The following CD24 variants were observed in gnomAD, a reference collection of about 807,000 sequenced individuals.
CD24 encodes the protein CD24 molecule, also known as signal transducer CD24.
Under a neutral mutation model 3.6 loss-of-function variants are expected in CD24, and 2 were observed. The ratio of observed to expected loss-of-function variants is 0.56; its 90% CI spans 0.23 to 1.77. The LOEUF (loss-of-function observed/expected upper bound fraction) is 1.77. Among genes scored for constraint, CD24 ranks in the 40% most tolerant of loss-of-function variants. The probability of loss-of-function intolerance (pLI) is 0.18; values close to 1 mark genes in which losing one functional copy is unlikely to be tolerated. For synonymous variants in CD24, 33 were observed against 44.9 expected (o/e 0.74, Z 1.06); for missense variants, 62 against 93.6 (o/e 0.66, Z 1.39).
chr6:106,975,573 C>G (rs1347143437), upstream of CD24: 2 of 152,344 alleles, frequency 1.3e-5, no homozygotes, highest in African/African-American at 2.4e-5. Flanking sequence ...CGCATCTTCC[C>G]AGGAGCTGGG....
intron 1 of CD24, chr6:106,973,534 G>A (rs1028880464): frequency 7.3e-5 from 29 of 397,610 alleles, no homozygotes; most frequent in African/African-American, 5.7e-4. Context: ...GACTTTCGAT[G>A]TCTGGGGACG....
upstream of CD24, among the ~76,000 whole-genome samples, chr6:106,976,263 AT>A (rs1773106949): frequency 6.6e-6 from 1 of 152,216 alleles, no homozygotes; most frequent in Non-Finnish European, 1.5e-5. Context: ...TAGCCCAAGC[AT>A]TTTTCGGTCT....
In CD24 at chr6:106,970,661, A is replaced by C. The variant is rs1443655458; in HGVS notation, c.*1000T>G. 5.9e-5 allele frequency: 9 copies of C among 152,206 alleles called. No individual in the cohort carries two copies. The East Asian group carries it at 1.7e-3, about 29-fold the overall frequency. The allele number at this position is 152,206 out of a possible 1,614,324, so 9.4% of individuals were successfully genotyped here. ...ACCCTGTCTCTACTAAAATTACAAA[A>C]ATTAGCCGGGCATGGTGGCAGGTGC... On this transcript the variant is annotated 3_prime_UTR_variant, in exon 2 of 2. Transcript: ENST00000606017.
Position 106,971,205 on chromosome 6 carries a change from C to T in CD24, c.*456G>A, listed in dbSNP as rs1423066227. The T allele has an allele frequency of 6.2e-6, 1 of 161,914 alleles. No individual in the cohort carries two copies. Among genetic ancestry groups the T allele is most frequent in the Admixed American group, 6.5e-5 (1 of 15,350 alleles). The allele number at this position is 161,914 out of a possible 1,614,324, so 10.0% of individuals were successfully genotyped here. A position where few individuals can be genotyped will look rare whatever the true frequency, so the allele number is the denominator to read the frequency against. ...GAATTACAGTAACACCTGGAAGTTC[C>T]TTCTCATGTACATATAAATAGAATC... On this transcript the variant is annotated 3_prime_UTR_variant, in exon 2 of 2. Transcript: ENST00000606017.
chr6:106,971,477 C>G lies in CD24; in HGVS notation c.*184G>C. On this transcript the variant is annotated 3_prime_UTR_variant, in exon 2 of 2. Transcript: ENST00000606017. Reference sequence around the variant, plus strand: ...ATTGGCATCCATCATCTAGTCAAACCTCTCACATGTTCTTCAAATCAATCA... The same window carrying G: ...ATTGGCATCCATCATCTAGTCAAACGTCTCACATGTTCTTCAAATCAATCA... The G allele has an allele frequency of 1.7e-6, 1 of 579,740 alleles. No individual in the cohort carries two copies. Among genetic ancestry groups the G allele is most frequent in the East Asian group, 3.0e-5 (1 of 33,314 alleles). 35.9% of individuals were successfully genotyped at this position (579,740 alleles called of 1,614,324 possible).
upstream of CD24, chr6:106,975,003 C>A (rs1288403894): frequency 1.3e-5 from 2 of 151,152 alleles, no homozygotes; most frequent in African/African-American, 4.8e-5. Flanking sequence ...GCGCCGGCTG[C>A]GGGCTGCGGG....
intron 1 of CD24, 112 bp downstream of exon 1, chr6:106,974,466 C>T: frequency 1.7e-6 from 1 of 598,748 alleles, no homozygotes; most frequent in Non-Finnish European, 2.7e-6. Flanking sequence ...TCTCCCGGTC[C>T]CTGTCCGTGG....
chr6:106,971,366 C>T lies in CD24; in HGVS notation c.*295G>A, dbSNP rs1459662313. 1 of 349,960 alleles carries T rather than the reference C, an allele frequency of 2.9e-6. No homozygotes were observed. The highest frequency in any genetic ancestry group is 2.2e-5 in the African/African-American group (1 of 45,510). 21.7% of individuals were successfully genotyped at this position (349,960 alleles called of 1,614,324 possible). On this transcript the variant is annotated 3_prime_UTR_variant, in exon 2 of 2. Transcript: ENST00000606017. ...GGTAGTATTAAGTGTCCATATTTCT[C>T]AAGCCACATTCAAGGAAATCATGTC...
At chr6:106,975,346 G>GCGGACGCGGGC (rs1225783857), upstream of CD24, 13 of 151,694 alleles carry the variant, frequency 8.6e-5, no homozygotes, top group Middle Eastern at 3.4e-3. Context: ...CGGGCGTGGC[G>GCGGACGCGGGC]CGGACGCGGG....
Position 106,971,656 on chromosome 6 carries a change from G to A in CD24, c.*5C>T, listed in dbSNP as rs1336220529. The stretch of plus-strand genomic sequence containing the variant: ...ATTTAGAAGACGTTTCTTGGCCTGA[G>A]TCTCTTAAGAGTAGAGATGCAGAAG... On this transcript the variant is annotated 3_prime_UTR_variant, in exon 2 of 2. Transcript: ENST00000606017. 13 of 1,546,232 alleles carry A rather than the reference G, an allele frequency of 8.4e-6. No individual in the cohort carries two copies. The African/African-American group carries it at 1.5e-4, about 18-fold the overall frequency.
chr6:106,972,962 A>T (rs1287498164), intron 1 of CD24, among the ~76,000 whole-genome samples: 3 of 152,222 alleles, frequency 2.0e-5, no homozygotes, highest in Non-Finnish European at 2.9e-5. Context: ...GACAACAACA[A>T]AAAAATCTTG....
intron 1 of CD24, chr6:106,973,585 G>T (rs1773027423): frequency 1.8e-5 from 7 of 398,320 alleles, no homozygotes; most frequent in Non-Finnish European, 3.1e-5. Flanking sequence ...AAGCCCCAGT[G>T]ACAGTCCTCG....
chr6:106,974,200 G>T (rs920718722), intron 1 of CD24, among the ~76,000 whole-genome samples: 1 of 152,168 alleles, frequency 6.6e-6, no homozygotes, highest in Admixed American at 6.5e-5. Context: ...GGGACCCAGG[G>T]ACAACGTCCC....
intron 1 of CD24, among the ~76,000 whole-genome samples, chr6:106,972,465 T>A (rs983366554): frequency 6.6e-6 from 1 of 152,220 alleles, no homozygotes; most frequent in African/African-American, 2.4e-5. Context: ...GTTTTTCCTT[T>A]AAGGCAGAAT....
chr6:106,970,552 C>G lies in CD24; in HGVS notation c.*1109G>C, dbSNP rs1371225669. 2 of 152,280 alleles carry G rather than the reference C, an allele frequency of 1.3e-5. No homozygotes were observed. Among genetic ancestry groups the G allele is most frequent in the Non-Finnish European group, 2.9e-5 (2 of 68,050 alleles). The allele number at this position is 152,280 out of a possible 1,614,324, so 9.4% of individuals were successfully genotyped here. A position where few individuals can be genotyped will look rare whatever the true frequency, so the allele number is the denominator to read the frequency against. ...GATGGCTGGGCGCGGGGGCTCAAGC[C>G]TGTAATCCCAGCACTTTGGGAGGCC... On this transcript the variant is annotated 3_prime_UTR_variant, in exon 2 of 2. Transcript: ENST00000606017.
At chr6:106,974,777 A>C (rs1200905603), upstream of CD24, 4 of 929,630 alleles carry the variant, frequency 4.3e-6, no homozygotes, top group East Asian at 6.6e-5. Flanking sequence ...GAAAGCCACA[A>C]TAGCCGTGAC....
At chr6:106,973,486 C>A in intron 1 of CD24, 3 of 395,824 alleles carry the variant, frequency 7.6e-6, no homozygotes, top group Non-Finnish European at 1.3e-5. Flanking sequence ...GGTGGGGAAG[C>A]GCGTTCCACA....
intron 1 of CD24, among the ~76,000 whole-genome samples, chr6:106,974,369 G>A (rs1408327801): frequency 6.6e-6 from 1 of 152,206 alleles, no homozygotes; most frequent in African/African-American, 2.4e-5. Flanking sequence ...TTGTTCCCAG[G>A]GCCGTGGGAG....
At position 106,970,266 on chromosome 6, in the gene CD24, CAAAAAGT is replaced by C; in HGVS notation, c.*1388_*1394del. On this transcript the variant is annotated 3_prime_UTR_variant, in exon 2 of 2. Transcript: ENST00000606017. ...ACTATCTAAAAATATTGACTGATAA[CAAAAAGT>C]GTTCTAAATGTGGCTATTCTGATCC... is the stretch of plus-strand genomic sequence containing the variant. The C allele has an allele frequency of 6.6e-6, 1 of 152,446 alleles. No individual in the cohort carries two copies. The highest frequency in any genetic ancestry group is 1.5e-5 in the Non-Finnish European group (1 of 68,012). 9.4% of individuals were successfully genotyped at this position (152,446 alleles called of 1,614,324 possible).
Sources: gnomAD v4.1 joint callset for allele counts (sites outside exome capture counted in the v4.1 genomes callset) on GRCh38, gnomAD v4.1.1 for gene constraint, MANE v1.5 for transcripts, NCBI Gene and HGNC (gene_info 2026-07-23, HGNC 2026-07-21) for gene names.